Variants in BANP observed in about 807,000 individuals in gnomAD.
BANP encodes BTG3 associated nuclear protein.
Under a neutral mutation model 68.1 loss-of-function variants are expected in BANP, and 11 were observed. The ratio of observed to expected loss-of-function variants is 0.16; its 90% CI spans 0.10 to 0.27. The LOEUF (loss-of-function observed/expected upper bound fraction) is 0.27. Ranked by LOEUF, BANP falls within the 10% of genes least tolerant of loss-of-function variation. The pLI is 1.00. For synonymous variants in BANP, 329 were observed against 303.2 expected (o/e 1.09, Z -0.88); for missense variants, 504 against 722.7 (o/e 0.70, Z 3.47).
intron 6 of BANP, among the ~76,000 whole-genome samples, chr16:88,011,148 G>A (rs575980628): frequency 6.6e-5 from 10 of 152,326 alleles, no homozygotes; most frequent in Non-Finnish European, 1.3e-4. Flanking sequence ...GAAGTGAGTG[G>A]GAGTGATGGC....
intron 11 of BANP, among the ~76,000 whole-genome samples, chr16:88,048,677 G>A (rs2082556837): frequency 2.6e-5 from 4 of 152,024 alleles, no homozygotes; most frequent in South Asian, 2.1e-4. Context: ...GTATTGAATC[G>A]GCGCTCACAA....
chr16:87,985,032 C>T (rs1187454929), intron 4 of BANP, among the ~76,000 whole-genome samples: 3 of 152,058 alleles, frequency 2.0e-5, no homozygotes, highest in South Asian at 2.1e-4. Context: ...GGGACGGCAG[C>T]GGGGGCGCCG....
Position 88,071,563 on chromosome 16 carries a change from A to T in BANP, c.1378-506A>T. On this transcript the variant is annotated intron_variant, in intron 12 of 13. Transcript: ENST00000682872. This position sits in a 1 kb window ranked among gnomAD's most constrained non-coding sequence, Gnocchi z 6.5. ...TCCTGCGAGCTTCTGCTGGGTTCTC[A>T]GTGCCCACCAGCAGCTCCTTTGCTC... The T allele has an allele frequency of 2.2e-6, 1 of 457,030 alleles. No homozygotes were observed. The highest frequency in any genetic ancestry group is 1.5e-5 in the South Asian group (1 of 64,572). 28.3% of individuals were successfully genotyped at this position (457,030 alleles called of 1,614,324 possible). A position where few individuals can be genotyped will look rare whatever the true frequency, so the allele number is the denominator to read the frequency against.
intron 1 of BANP, among the ~76,000 whole-genome samples, chr16:87,962,856 T>C (rs1233056182): frequency 6.6e-6 from 1 of 152,196 alleles, no homozygotes; most frequent in African/African-American, 2.4e-5. Flanking sequence ...TTCAGACTGA[T>C]TTCGGGCAAA....
chr16:87,982,159 C>T (rs1456687922), intron 3 of BANP, among the ~76,000 whole-genome samples: 1 of 152,198 alleles, frequency 6.6e-6, no homozygotes, highest in Admixed American at 6.5e-5. Flanking sequence ...CTAAATAAAA[C>T]GCAGCTCTGA....
chr16:88,057,086 G>A lies in BANP; in HGVS notation c.1312-8181G>A, dbSNP rs2085248115. 1.3e-5 allele frequency among the ~76,000 whole-genome samples: 2 copies of A among 152,156 alleles called. No individual in the cohort carries two copies. Among genetic ancestry groups the A allele is most frequent in the East Asian group, 3.9e-4 (2 of 5,194 alleles). ...AAATGTGAGAACTTTTTCTGAATAA[G>A]GGAGTTTTGGTGATTCTTTGGGTGT... is the stretch of plus-strand genomic sequence containing the variant. On this transcript the variant is annotated intron_variant, in intron 11 of 13. Coordinates refer to ENST00000682872, the MANE Select transcript of BANP (RefSeq NM_001386991.1). This position sits in a 1 kb window ranked among gnomAD's most constrained non-coding sequence, Gnocchi z 4.6.
chr16:88,070,738 G>A (rs2090097812), intron 12 of BANP, among the ~76,000 whole-genome samples: 1 of 152,216 alleles, frequency 6.6e-6, no homozygotes, highest in South Asian at 2.1e-4. Context: ...GATTTGTCAT[G>A]TGGCACAAAA....
intron 4 of BANP, among the ~76,000 whole-genome samples, chr16:87,995,097 T>C (rs868309600): frequency 1.3e-5 from 2 of 152,226 alleles, no homozygotes; most frequent in Non-Finnish European, 2.9e-5. Context: ...TTTTAAAACC[T>C]GTGTCCTGGA....
chr16:87,981,187 A>C (rs539792858), intron 3 of BANP, 60 bp downstream of exon 3: 1 of 1,239,656 alleles, frequency 8.1e-7, no homozygotes, highest in African/African-American at 1.5e-5. Flanking sequence ...GGGCTGCTAT[A>C]ACAAATCACC....
At chr16:87,970,341 G>A (rs1017021442) in intron 1 of BANP, among the ~76,000 whole-genome samples, 3 of 152,194 alleles carry the variant, frequency 2.0e-5, no homozygotes, top group East Asian at 3.8e-4. Context: ...CACATAGATG[G>A]TGCTGAATTC....
Position 88,030,433 on chromosome 16 carries a change from C to A in BANP, c.1064-2676C>A, listed in dbSNP as rs140169597. On this transcript the variant is annotated intron_variant, in intron 8 of 13. Coordinates refer to ENST00000682872, the MANE Select transcript of BANP (RefSeq NM_001386991.1). ...GGAGAGTTGTTGCCAGGCTTGCCTT[C>A]CATGTGTTTCGGGTACGTGCATTTG... 4.3e-3 allele frequency among the ~76,000 whole-genome samples: 654 copies of A among 152,326 alleles called. 5 individuals are homozygous for A. The highest frequency in any genetic ancestry group is 0.014 in the African/African-American group (590 of 41,578).
In BANP at chr16:88,023,746, G is replaced by A. The variant is rs372342360; in HGVS notation, c.896-3737G>A. On this transcript the variant is annotated intron_variant, in intron 7 of 13. Transcript: ENST00000682872. The stretch of plus-strand genomic sequence containing the variant: ...GATTTGAACCACCAGAGTCAGTAAC[G>A]GGGGTTCTGGAAAGTGGGAAGGCAG... Among the ~76,000 whole-genome samples the A allele has an allele frequency of 1.8e-4, 27 of 152,306 alleles. No homozygotes were observed. In the East Asian group the frequency reaches 2.1e-3, roughly 12 times the overall value.
intron 12 of BANP, among the ~76,000 whole-genome samples, chr16:88,065,989 G>T (rs1382115923): frequency 1.3e-5 from 2 of 152,198 alleles, no homozygotes; most frequent in African/African-American, 4.8e-5. Context: ...TGGGAGCACG[G>T]GAGAGGGTGT....
At chr16:87,999,446 G>A (rs1192334614) in intron 4 of BANP, among the ~76,000 whole-genome samples, 3 of 31,456 alleles carry the variant, frequency 9.5e-5, no homozygotes, top group Admixed American at 8.1e-4. Flanking sequence ...ATGCACGCAC[G>A]TGCGCGGCTG....
At chr16:87,986,244 G>A (rs1007342301) in intron 4 of BANP, among the ~76,000 whole-genome samples, 21 of 152,218 alleles carry the variant, frequency 1.4e-4, no homozygotes, top group Non-Finnish European at 2.1e-4. Flanking sequence ...GCGTGCTGGC[G>A]GACAGCTGCC....
At chr16:87,974,757 C>T (rs964201840) in intron 1 of BANP, among the ~76,000 whole-genome samples, 3 of 152,050 alleles carry the variant, frequency 2.0e-5, no homozygotes, top group Non-Finnish European at 4.4e-5. Context: ...CGTTTCCAAG[C>T]CAGTGTTGGG....
chr16:87,976,540 G>C (rs1394464043), intron 2 of BANP, among the ~76,000 whole-genome samples: 2 of 127,664 alleles, frequency 1.6e-5, no homozygotes, highest in African/African-American at 6.1e-5. Context: ...GAAGTGACCA[G>C]CCCACCACAG....
chr16:88,027,633 C>T lies in BANP; in HGVS notation c.1046C>T (p.Ser349Phe). 1 of 1,613,450 alleles carries T rather than the reference C, an allele frequency of 6.2e-7. No homozygotes were observed. The highest frequency in any genetic ancestry group is 8.5e-7 in the Non-Finnish European group (1 of 1,179,872). ...KSFSRRTPNSSSYCPSEPMMS... is the reference protein window; with the variant it reads ...KSFSRRTPNSFSYCPSEPMMS... ...TTCTCGCGGAGAACGCCCAACTCGT[C>T]CTCCTACTGCCCTTCAGGTAGGCCT... The change falls in exon 8 of 14, where the codon TCC becomes TTC. Residue 349 changes from serine (S) to phenylalanine (F), a missense_variant. This residue lies in a region of BANP where 223 missense variants were observed against 246.2 expected (regional missense o/e 0.91). Coordinates refer to ENST00000682872, the MANE Select transcript of BANP (RefSeq NM_001386991.1).
intron 8 of BANP, 104 bp from the exon 9 acceptor site, chr16:88,033,005 C>G (rs766428380): frequency 1.9e-5 from 24 of 1,268,414 alleles, no homozygotes; most frequent in Non-Finnish European, 2.5e-5. Flanking sequence ...TTCCTCTTCT[C>G]TGCTGTGGGA....
Sources: allele counts gnomAD v4.1 joint callset (sites outside exome capture counted in the v4.1 genomes callset), GRCh38; gene constraint gnomAD v4.1.1; regional missense constraint gnomAD v4.1.1; non-coding constraint Gnocchi (gnomAD v3.1); transcripts MANE v1.5; gene names NCBI Gene and HGNC (gene_info 2026-07-23, HGNC 2026-07-21).